The following LRRC18 variants were observed in gnomAD, a reference collection of about 807,000 sequenced individuals.
LRRC18 encodes the protein leucine-rich repeat-containing protein 18.
In LRRC18, 12 loss-of-function variants were observed where a neutral mutation model predicts 11.2. The observed-to-expected ratio is 1.07, with a 90% CI of 0.69 to 1.74. The LOEUF is 1.74. Among genes scored for constraint, LRRC18 ranks in the 40% most tolerant of loss-of-function variants. The probability of loss-of-function intolerance (pLI) is 0.00; values close to 1 mark genes in which losing one functional copy is unlikely to be tolerated. For missense variants in LRRC18, 374 were observed against 330.5 expected (o/e 1.13, Z -1.02); for synonymous variants, 155 against 130.6 (o/e 1.19, Z -1.27).
the LRRC18 span, among the ~76,000 whole-genome samples, chr10:48,929,658 C>T: frequency 2.0e-5 from 3 of 152,308 alleles, no homozygotes; most frequent in East Asian, 1.9e-4. Context: ...GGTTCTTGCC[C>T]GGACCTTGCT....
chr10:48,923,496 G>GTATTTATATATATATA, the LRRC18 span, among the ~76,000 whole-genome samples: 1 of 63,208 alleles, frequency 1.6e-5, no homozygotes, highest in Non-Finnish European at 4.2e-5. Flanking sequence ...ATAGTTTTTA[G>GTATTTATATATATATA]TATATATATA....
At chr10:48,935,886 A>G in the LRRC18 span, among the ~76,000 whole-genome samples, 6 of 140,078 alleles carry the variant, frequency 4.3e-5, no homozygotes, top group South Asian at 1.5e-3. Context: ...GAAATTATCT[A>G]TTTGTGCATC....
chr10:48,937,769 G>A, the LRRC18 span, among the ~76,000 whole-genome samples: 2 of 152,226 alleles, frequency 1.3e-5, no homozygotes, highest in Admixed American at 6.5e-5. Flanking sequence ...TGGTTTGAAA[G>A]GGTACGTCTG....
the LRRC18 span, among the ~76,000 whole-genome samples, chr10:48,936,953 C>T: frequency 6.6e-6 from 1 of 150,732 alleles, no homozygotes; most frequent in African/African-American, 2.4e-5. Flanking sequence ...TAGTCTCACT[C>T]TTGTCACCCA....
At chr10:48,915,310 C>A (rs1320062911), upstream of LRRC18, among the ~76,000 whole-genome samples, 1 of 152,158 alleles carries the variant, frequency 6.6e-6, no homozygotes, top group Non-Finnish European at 1.5e-5. Context: ...GAGACTGAGG[C>A]TCAGAAGTGA....
the LRRC18 span, among the ~76,000 whole-genome samples, chr10:48,939,669 A>T: frequency 6.6e-6 from 1 of 152,260 alleles, no homozygotes; most frequent in East Asian, 1.9e-4. Context: ...AAATTCACAT[A>T]GATCATTTTA....
At chr10:48,929,870 C>T in the LRRC18 span, among the ~76,000 whole-genome samples, 1 of 152,200 alleles carries the variant, frequency 6.6e-6, no homozygotes, top group Non-Finnish European at 1.5e-5. Context: ...ACTCTTCTTC[C>T]ATCCACCCCC....
chr10:48,914,793 T>A (rs1475141136), upstream of LRRC18, among the ~76,000 whole-genome samples: 1 of 152,200 alleles, frequency 6.6e-6, no homozygotes, highest in African/African-American at 2.4e-5. Context: ...GAAAAGCCTG[T>A]TGCTCAGCCC....
chr10:48,918,340 G>C (rs1366078730), upstream of LRRC18, among the ~76,000 whole-genome samples: 1 of 152,112 alleles, frequency 6.6e-6, no homozygotes, highest in Non-Finnish European at 1.5e-5. Context: ...TATAAAGAAA[G>C]TATACTTTAA....
chr10:48,914,884 G>A (rs369426976), upstream of LRRC18, among the ~76,000 whole-genome samples: 4 of 152,128 alleles, frequency 2.6e-5, no homozygotes, highest in Non-Finnish European at 4.4e-5. Flanking sequence ...TGGGGGGTGC[G>A]GGCAAAGCTC....
chr10:48,925,053 A>G, the LRRC18 span, among the ~76,000 whole-genome samples: 1 of 152,224 alleles, frequency 6.6e-6, no homozygotes, highest in Non-Finnish European at 1.5e-5. Flanking sequence ...CTTTGTAGGC[A>G]GTTTCATGTC....
chr10:48,928,734 G>A, the LRRC18 span, among the ~76,000 whole-genome samples: 1 of 152,282 alleles, frequency 6.6e-6, no homozygotes, highest in East Asian at 1.9e-4. Flanking sequence ...CCCATCTGCC[G>A]CAGGACAGCT....
chr10:48,934,798 A>G, the LRRC18 span, among the ~76,000 whole-genome samples: 1 of 152,202 alleles, frequency 6.6e-6, no homozygotes, highest in Non-Finnish European at 1.5e-5. Flanking sequence ...GTTCAAACAC[A>G]TCTCCGCCTA....
chr10:48,934,689 G>A, the LRRC18 span, among the ~76,000 whole-genome samples: 16 of 152,172 alleles, frequency 1.1e-4, no homozygotes, highest in Non-Finnish European at 8.8e-5. Flanking sequence ...TACAGTAAGC[G>A]GTAATCAGGT....
the LRRC18 span, among the ~76,000 whole-genome samples, chr10:48,922,780 T>A: frequency 2.0e-5 from 3 of 152,160 alleles, no homozygotes; most frequent in South Asian, 2.1e-4. Context: ...AATAAAAAAA[T>A]GTCTCAAACG....
exon 2 of LRRC18, chr10:48,910,213 C>T (rs1263538448): frequency 7.5e-7 from 1 of 1,325,002 alleles, no homozygotes; most frequent in South Asian, 1.2e-5. Flanking sequence ...GCTGAGTAGT[C>T]TTCAAGATTT....
chr10:48,929,722 G>A, the LRRC18 span, among the ~76,000 whole-genome samples: 4 of 152,296 alleles, frequency 2.6e-5, no homozygotes, highest in South Asian at 8.3e-4. Flanking sequence ...CTTCTTGGAT[G>A]ATGATAAGCA....
At chr10:48,920,132 A>G in the LRRC18 span, among the ~76,000 whole-genome samples, 2 of 152,210 alleles carry the variant, frequency 1.3e-5, no homozygotes, top group African/African-American at 2.4e-5. Context: ...AGAAAAAAAA[A>G]AGATCTTATA....
chr10:48,910,000 A>G (rs1483682002), exon 2 of LRRC18: 1 of 541,404 alleles, frequency 1.8e-6, no homozygotes. Flanking sequence ...TTTTTTCTAT[A>G]TACATTTTAA....
Sources: gnomAD v4.1 joint callset for allele counts (sites outside exome capture counted in the v4.1 genomes callset) on GRCh38, gnomAD v4.1.1 for gene constraint, MANE v1.5 for transcripts, NCBI Gene and HGNC (gene_info 2026-07-23, HGNC 2026-07-21) for gene names.